ARIH1: variants seen among roughly 807,000 people sequenced by gnomAD.
The protein encoded by ARIH1 is ariadne RBR E3 ubiquitin protein ligase 1, also known as E3 ubiquitin-protein ligase ARIH1.
In ARIH1, 8 loss-of-function variants were observed where a neutral mutation model predicts 85.0. The observed-to-expected ratio is 0.09, with a 90% CI of 0.06 to 0.17. The LOEUF is 0.17. Among genes scored for constraint, ARIH1 ranks in the 10% least tolerant of loss-of-function variants. ARIH1 has a pLI of 1.00. For synonymous variants in ARIH1, 238 were observed against 253.6 expected, an observed-to-expected ratio of 0.94 and a Z score of 0.59; for missense variants, 311 against 718.1, an observed-to-expected ratio of 0.43 and a Z score of 6.48.
chr15:72,559,076 A>G (rs1312226300), intron 5 of ARIH1, among the ~76,000 whole-genome samples: 7 of 152,204 alleles, frequency 4.6e-5, no homozygotes, highest in African/African-American at 1.7e-4. Flanking sequence ...TCCACCCTGA[A>G]TATACCAAAA....
At chr15:72,549,826 T>C (rs1387345719) in intron 3 of ARIH1, among the ~76,000 whole-genome samples, 1 of 152,228 alleles carries the variant, frequency 6.6e-6, no homozygotes, top group East Asian at 1.9e-4. Flanking sequence ...TAATATTTCA[T>C]GTATTTTTCG....
In ARIH1 at chr15:72,588,105, CAAGT is replaced by C. The variant is rs1262855589; in HGVS notation, c.*4816_*4819del. ...TATTACCATAGTAATTCAGGGGTCT[CAAGT>C]AATCCAGGAGTCTCAAACTGAAATG... On this transcript the variant is annotated 3_prime_UTR_variant, in exon 14 of 14. Coordinates refer to ENST00000379887, the MANE Select transcript of ARIH1 (RefSeq NM_005744.5). 1 of 152,142 alleles carries C rather than the reference CAAGT, an allele frequency of 6.6e-6. No homozygotes were observed. The highest frequency in any genetic ancestry group is 2.4e-5 in the African/African-American group (1 of 41,416). 9.4% of individuals were successfully genotyped at this position (152,142 alleles called of 1,614,324 possible).
chr15:72,549,474 G>A (rs1299437771), intron 3 of ARIH1, among the ~76,000 whole-genome samples: 1 of 152,164 alleles, frequency 6.6e-6, no homozygotes, highest in South Asian at 2.1e-4. Flanking sequence ...AAATTGTGAG[G>A]AAGGGTGGTC....
At chr15:72,522,237 C>T (rs150788932) in intron 2 of ARIH1, among the ~76,000 whole-genome samples, 151 of 152,160 alleles carry the variant, frequency 9.9e-4, no homozygotes, top group Non-Finnish European at 1.6e-3. Flanking sequence ...AACTGGGCTG[C>T]GCACCATGGC....
chr15:72,543,385 T>C (rs910501991), intron 2 of ARIH1, among the ~76,000 whole-genome samples: 1 of 152,170 alleles, frequency 6.6e-6, no homozygotes, highest in African/African-American at 2.4e-5. Context: ...GATTTTCTGC[T>C]TTAAATATAT....
chr15:72,571,992 TA>T (rs1461424540), intron 10 of ARIH1, 115 bp from the exon 11 acceptor site: 2 of 704,086 alleles, frequency 2.8e-6, no homozygotes, highest in Non-Finnish European at 4.7e-6. Context: ...TTCTCTGTTA[TA>T]AAAGATAACG....
intron 12 of ARIH1, chr15:72,581,769 G>A (rs897556736): frequency 3.9e-5 from 8 of 206,834 alleles, no homozygotes; most frequent in African/African-American, 2.3e-5. Context: ...TGAGTTTTCA[G>A]CAAAGAGCAG....
At position 72,555,144 on chromosome 15, in the gene ARIH1, A is replaced by G; in HGVS notation, c.589-127A>G. The G allele has an allele frequency of 1.5e-5, 10 of 645,634 alleles. No individual in the cohort carries two copies. In the South Asian group the frequency reaches 2.1e-4, roughly 13 times the overall value. 40.0% of individuals were successfully genotyped at this position (645,634 alleles called of 1,614,324 possible). On this transcript the variant is annotated intron_variant, in intron 3 of 13. Coordinates refer to ENST00000379887, the MANE Select transcript of ARIH1 (RefSeq NM_005744.5). ...CATGAAAAGTTCATTTTAGGAGCCC[A>G]TCTATTGTCAAATTGGACATTTTAG...
chr15:72,506,351 C>CAAAAAAAAAAAAAAAAAAAAA (rs71134002), intron 1 of ARIH1, among the ~76,000 whole-genome samples: 68 of 72,776 alleles, frequency 9.3e-4, no homozygotes, highest in South Asian at 2.0e-3. Context: ...CTCCGTCTCA[C>CAAAAAAAAAAAAAAAAAAAAA]AAAAAAAAAA....
At chr15:72,572,063 A>G in intron 10 of ARIH1, 45 bp from the exon 11 acceptor site, 1 of 1,334,684 alleles carries the variant, frequency 7.5e-7, no homozygotes, top group East Asian at 2.4e-5. Context: ...TTTCCTTTTC[A>G]TTGATTTTTT....
At position 72,593,031 on chromosome 15, in the gene ARIH1, G is replaced by C. The variant is rs1228130071; in HGVS notation, c.*9739G>C. ...GTTTTACCATTTTGTACTCCTATCAGTGATGTATGAGAGTTACAGTTGCTT... is the reference window on the plus strand; with the variant it reads ...GTTTTACCATTTTGTACTCCTATCACTGATGTATGAGAGTTACAGTTGCTT... On this transcript the variant is annotated 3_prime_UTR_variant, in exon 14 of 14. Transcript: ENST00000379887. 6.6e-6 allele frequency: 1 copy of C among 152,156 alleles called. No individual in the cohort carries two copies. The highest frequency in any genetic ancestry group is 2.4e-5 in the African/African-American group (1 of 41,422). 9.4% of individuals were successfully genotyped at this position (152,156 alleles called of 1,614,324 possible).
chr15:72,543,412 A>G (rs913750044), intron 2 of ARIH1, among the ~76,000 whole-genome samples: 1 of 152,182 alleles, frequency 6.6e-6, no homozygotes, highest in Non-Finnish European at 1.5e-5. Context: ...TATCTGAATC[A>G]TCAGAGACAT....
At chr15:72,549,976 T>G (rs1046261811) in intron 3 of ARIH1, among the ~76,000 whole-genome samples, 1 of 152,116 alleles carries the variant, frequency 6.6e-6, no homozygotes, top group Non-Finnish European at 1.5e-5. Context: ...AACGAATATA[T>G]CAGAGGAGGG....
chr15:72,530,497 C>T (rs1247027021), intron 2 of ARIH1, among the ~76,000 whole-genome samples: 1 of 152,262 alleles, frequency 6.6e-6, no homozygotes, highest in South Asian at 2.1e-4. Context: ...TCCAGAAAAC[C>T]TTAAACCTTG....
At chr15:72,522,620 A>G (rs1232826271) in intron 2 of ARIH1, among the ~76,000 whole-genome samples, 1 of 152,206 alleles carries the variant, frequency 6.6e-6, no homozygotes, top group Non-Finnish European at 1.5e-5. Flanking sequence ...GAAAGTAGAA[A>G]AGGTATTTAA....
In ARIH1 at chr15:72,584,903, A is replaced by G. The variant is rs564686937; in HGVS notation, c.*1611A>G. ...TACAGGAGTGCAGAGTGAACTAGGC[A>G]ACTAGATTAAGAGGTCTAAATATGA... On this transcript the variant is annotated 3_prime_UTR_variant, in exon 14 of 14. Coordinates refer to ENST00000379887, the MANE Select transcript of ARIH1 (RefSeq NM_005744.5). 5.3e-5 allele frequency: 8 copies of G among 150,624 alleles called. No individual in the cohort carries two copies. The East Asian group carries it at 1.4e-3, about 26-fold the overall frequency. The allele number at this position is 150,624 out of a possible 1,614,324, so 9.3% of individuals were successfully genotyped here.
chr15:72,478,236 C>T (rs2063802170), intron 1 of ARIH1, among the ~76,000 whole-genome samples: 1 of 152,148 alleles, frequency 6.6e-6, no homozygotes, highest in Non-Finnish European at 1.5e-5. Context: ...CTGCCTGAGC[C>T]TCCCGAGTAG....
intron 1 of ARIH1, among the ~76,000 whole-genome samples, chr15:72,480,263 A>ATTTT (rs762120667): frequency 7.3e-6 from 1 of 136,190 alleles, no homozygotes. Context: ...GAACCTTCAA[A>ATTTT]TTTTTTTTTT....
At position 72,598,354 on chromosome 15, in the gene ARIH1, A is replaced by G. The variant is rs1022158367; in HGVS notation, c.*15062A>G. Reference sequence around the variant, plus strand: ...GTTGTTGTTTGCTAGAGTGGGAGGTATATTCCTTGTGACTTTGTTCATATC... The same window carrying G: ...GTTGTTGTTTGCTAGAGTGGGAGGTGTATTCCTTGTGACTTTGTTCATATC... On this transcript the variant is annotated 3_prime_UTR_variant, in exon 14 of 14. Coordinates refer to ENST00000379887, the MANE Select transcript of ARIH1 (RefSeq NM_005744.5). The G allele has an allele frequency of 6.6e-6, 1 of 152,148 alleles. No homozygotes were observed. Among genetic ancestry groups the G allele is most frequent in the Non-Finnish European group, 1.5e-5 (1 of 68,026 alleles). The allele number at this position is 152,148 out of a possible 1,614,324, so 9.4% of individuals were successfully genotyped here.
Sources: gnomAD v4.1 joint callset for allele counts (sites outside exome capture counted in the v4.1 genomes callset) on GRCh38, gnomAD v4.1.1 for gene constraint, MANE v1.5 for transcripts, NCBI Gene and HGNC (gene_info 2026-07-23, HGNC 2026-07-21) for gene names.